KLF12: variants seen among roughly 807,000 people sequenced by gnomAD.
The protein encoded by KLF12 is Krueppel-like factor 12.
A neutral mutation model predicts 37.8 loss-of-function variants in KLF12; 9 were observed. The observed-to-expected ratio is 0.24, with a 90% CI of 0.14 to 0.42. The LOEUF is 0.42. Among genes scored for constraint, KLF12 ranks in the 10% least tolerant of loss-of-function variants. The pLI is 1.00. For synonymous variants in KLF12, 208 were observed against 202.1 expected, an observed-to-expected ratio of 1.03 and a Z score of -0.25; for missense variants, 411 against 516.0, an observed-to-expected ratio of 0.80 and a Z score of 1.97.
intron 4 of KLF12, among the ~76,000 whole-genome samples, chr13:73,831,144 T>C (rs1307944950): frequency 2.0e-5 from 3 of 152,170 alleles, no homozygotes; most frequent in Non-Finnish European, 4.4e-5. Flanking sequence ...GAATTGGATA[T>C]TTAAAACTGA....
At chr13:73,719,856 C>T (rs1161013734) in intron 6 of KLF12, among the ~76,000 whole-genome samples, 1 of 152,144 alleles carries the variant, frequency 6.6e-6, no homozygotes, top group African/African-American at 2.4e-5. Flanking sequence ...GCCTCAGTCT[C>T]CCAAAGTGCT....
At chr13:73,703,069 C>T (rs910397948) in intron 7 of KLF12, among the ~76,000 whole-genome samples, 3 of 152,064 alleles carry the variant, frequency 2.0e-5, no homozygotes, top group African/African-American at 7.2e-5. Context: ...GAGATTGATC[C>T]AAGGCCAAAA....
chr13:74,305,884 T>C, the KLF12 span, among the ~76,000 whole-genome samples: 1 of 152,052 alleles, frequency 6.6e-6, no homozygotes, highest in Non-Finnish European at 1.5e-5. Context: ...CCAGCCCACA[T>C]TAAAAAATTG....
intron 1 of KLF12, among the ~76,000 whole-genome samples, chr13:74,050,499 T>C (rs1266617241): frequency 6.6e-6 from 1 of 152,092 alleles, no homozygotes; most frequent in Non-Finnish European, 1.5e-5. Flanking sequence ...ATGAGGGCTG[T>C]GTACAAGGCA....
the KLF12 span, among the ~76,000 whole-genome samples, chr13:74,201,870 G>T: frequency 6.6e-6 from 1 of 152,076 alleles, no homozygotes; most frequent in East Asian, 1.9e-4. Flanking sequence ...GATTTTAAGT[G>T]GTCTCAGAAT....
At chr13:74,279,649 A>G in the KLF12 span, among the ~76,000 whole-genome samples, 24 of 152,286 alleles carry the variant, frequency 1.6e-4, no homozygotes, top group Non-Finnish European at 2.2e-4. Flanking sequence ...TCTGTAACCA[A>G]TGAACAAAAT....
chr13:73,986,021 G>C (rs1476174991), intron 2 of KLF12, among the ~76,000 whole-genome samples: 1 of 152,146 alleles, frequency 6.6e-6, no homozygotes, highest in Non-Finnish European at 1.5e-5. Context: ...TGTATGGGTT[G>C]TAAGTAAGTG....
At chr13:74,208,431 T>C in the KLF12 span, among the ~76,000 whole-genome samples, 1 of 152,200 alleles carries the variant, frequency 6.6e-6, no homozygotes, top group African/African-American at 2.4e-5. Context: ...TGCTACAAAA[T>C]TGAATGCATA....
chr13:73,962,052 C>A, intron 2 of KLF12: 1 of 452,948 alleles, frequency 2.2e-6, no homozygotes, highest in Non-Finnish European at 4.4e-6. Flanking sequence ...TATTCATAAT[C>A]CCCAAGGCTT....
chr13:73,917,041 T>C (rs527737264), intron 3 of KLF12, among the ~76,000 whole-genome samples: 13 of 152,306 alleles, frequency 8.5e-5, no homozygotes, highest in African/African-American at 2.6e-4. Flanking sequence ...AGAATGGCCA[T>C]CTCTTTAAAT....
chr13:74,235,641 T>G, the KLF12 span, among the ~76,000 whole-genome samples: 2 of 152,202 alleles, frequency 1.3e-5, no homozygotes, highest in Non-Finnish European at 2.9e-5. Context: ...GCAATTTATT[T>G]CTATTTACAC....
At chr13:73,857,675 T>G (rs1244203998) in intron 3 of KLF12, among the ~76,000 whole-genome samples, 1 of 152,180 alleles carries the variant, frequency 6.6e-6, no homozygotes, top group Non-Finnish European at 1.5e-5. Flanking sequence ...TTTGTCTTAT[T>G]TTGGGGAGTA....
intron 7 of KLF12, among the ~76,000 whole-genome samples, chr13:73,700,441 A>G (rs933921238): frequency 6.6e-6 from 1 of 152,020 alleles, no homozygotes; most frequent in Non-Finnish European, 1.5e-5. Flanking sequence ...TAATTATCTA[A>G]GTGATAAAAT....
chr13:73,934,615 G>C (rs1332824097), intron 3 of KLF12, among the ~76,000 whole-genome samples: 5 of 152,030 alleles, frequency 3.3e-5, no homozygotes, highest in Non-Finnish European at 7.4e-5. Flanking sequence ...TCATGTGTAA[G>C]GTGTATTTTT....
chr13:74,225,605 A>G, the KLF12 span, among the ~76,000 whole-genome samples: 1 of 152,132 alleles, frequency 6.6e-6, no homozygotes, highest in Non-Finnish European at 1.5e-5. Context: ...AATTAGAGAC[A>G]TGGGAGATAA....
intron 3 of KLF12, among the ~76,000 whole-genome samples, chr13:73,935,586 C>T (rs951005479): frequency 6.6e-6 from 1 of 152,112 alleles, no homozygotes; most frequent in Non-Finnish European, 1.5e-5. Context: ...AGCTCCCTCT[C>T]ACCACATGAT....
intron 5 of KLF12, chr13:73,801,274 A>G (rs1882266769): frequency 6.6e-6 from 1 of 152,096 alleles, no homozygotes. Flanking sequence ...CAATGGCTGT[A>G]ACTCCTGGAA....
At chr13:73,974,661 C>A (rs1041626191) in intron 2 of KLF12, among the ~76,000 whole-genome samples, 3 of 152,016 alleles carry the variant, frequency 2.0e-5, no homozygotes, top group African/African-American at 7.2e-5. Context: ...AAAGTGTGAT[C>A]CGATTACTTT....
intron 4 of KLF12, among the ~76,000 whole-genome samples, chr13:73,829,614 A>C (rs928248284): frequency 1.3e-5 from 2 of 152,182 alleles, no homozygotes; most frequent in African/African-American, 2.4e-5. Flanking sequence ...GCATATTCTA[A>C]TATGCCCGGG....
Sources: allele counts gnomAD v4.1 joint callset (sites outside exome capture counted in the v4.1 genomes callset), GRCh38; gene constraint gnomAD v4.1.1; transcripts MANE v1.5; gene names NCBI Gene and HGNC (gene_info 2026-07-23, HGNC 2026-07-21).